The following KATNIP variants were observed in gnomAD, a reference collection of about 807,000 sequenced individuals.
KATNIP encodes katanin-interacting protein.
Under a neutral mutation model 174.0 loss-of-function variants are expected in KATNIP, and 126 were observed. The observed-to-expected ratio is 0.72, with a 90% CI of 0.63 to 0.84. The LOEUF is 0.84. Among genes scored for constraint, KATNIP ranks in the 40% least tolerant of loss-of-function variants. KATNIP has a pLI of 0.00. For missense variants in KATNIP, 1,958 were observed against 2,109.7 expected (o/e 0.93, Z 1.41); for synonymous variants, 810 against 835.7 (o/e 0.97, Z 0.53).
At position 27,740,722 on chromosome 16, in the gene KATNIP, C is replaced by G; in HGVS notation, c.2425C>G (p.Arg809Gly). 6.2e-7 allele frequency: 1 copy of G among 1,614,180 alleles called. No individual in the cohort carries two copies. The highest frequency in any genetic ancestry group is 8.5e-7 in the Non-Finnish European group (1 of 1,180,030). The change falls in exon 15 of 28, where the codon CGG becomes GGG. Residue 809 changes from arginine (R) to glycine (G), a missense_variant. Arg to Gly is a moderately radical substitution (Grantham distance 125). Transcript: ENST00000261588. ...GACCGAGGCCAGGGATAAAGGCCTACGGCATGAGCCAGGGTGGGGGACCAG... is the reference window on the plus strand; with the variant it reads ...GACCGAGGCCAGGGATAAAGGCCTAGGGCATGAGCCAGGGTGGGGGACCAG... ...GETEARDKGL[R>G]HEPGWGTSRS...
intron 2 of KATNIP, among the ~76,000 whole-genome samples, chr16:27,581,954 C>T (rs1334054010): frequency 6.6e-6 from 1 of 152,174 alleles, no homozygotes; most frequent in African/African-American, 2.4e-5. Flanking sequence ...AGTATTCCAT[C>T]ATATATACAT....
chr16:27,732,911 CA>C (rs996563183), intron 14 of KATNIP, among the ~76,000 whole-genome samples: 4 of 152,212 alleles, frequency 2.6e-5, no homozygotes, highest in Non-Finnish European at 4.4e-5. Flanking sequence ...GCCAATGACA[CA>C]ACTCCCAGAG....
chr16:27,571,787 A>T (rs1239940721), intron 1 of KATNIP, among the ~76,000 whole-genome samples: 1 of 152,196 alleles, frequency 6.6e-6, no homozygotes, highest in Non-Finnish European at 1.5e-5. Context: ...GCTCTGCATG[A>T]TGAGGCCTGA....
rs1555510773 is a variant in KATNIP, at chr16:27,572,399, A to ACACACACACG, written c.8-1502_8-1501insCACACACACG. 5.0e-4 allele frequency among the ~76,000 whole-genome samples: 75 copies of ACACACACACG among 151,124 alleles called. No homozygotes were observed. In the East Asian group the frequency reaches 0.01, roughly 20 times the overall value. On this transcript the variant is annotated intron_variant, in intron 1 of 27. Coordinates refer to ENST00000261588, the MANE Select transcript of KATNIP (RefSeq NM_015202.5). ...CACACACACACACACACACACACAC[A>ACACACACACG]ATGAAGACAAAGGCAGGCATGTAGC...
intron 9 of KATNIP, 91 bp from the exon 10 acceptor site, chr16:27,699,443 C>A: frequency 1.3e-6 from 2 of 1,561,714 alleles, no homozygotes; most frequent in East Asian, 2.4e-5. Flanking sequence ...TGAGAAGGTC[C>A]CTGCCCTTTT....
chr16:27,561,809 C>T (rs771837435), intron 1 of KATNIP, among the ~76,000 whole-genome samples: 1 of 152,190 alleles, frequency 6.6e-6, no homozygotes, highest in African/African-American at 2.4e-5. Flanking sequence ...TGACAGATGT[C>T]GCCTAGGGTC....
At position 27,761,559 on chromosome 16, in the gene KATNIP, G is replaced by C; in HGVS notation, c.3778G>C (p.Glu1260Gln). 6.2e-7 allele frequency: 1 copy of C among 1,613,970 alleles called. No homozygotes were observed. The highest frequency in any genetic ancestry group is 8.5e-7 in the Non-Finnish European group (1 of 1,179,960). Residue 1260 changes from glutamate (E) to glutamine (Q), a missense_variant, in exon 19 of 28, where the codon GAG becomes CAG. By Grantham distance (29) the Glu-to-Gln change is conservative. Transcript: ENST00000261588. Reference sequence around the variant, plus strand: ...CCCCAGAGACTTAAATGAGCTCCCCGAGTACTCTGACGACTCCCGGGCCCT... The same window carrying C: ...CCCCAGAGACTTAAATGAGCTCCCCCAGTACTCTGACGACTCCCGGGCCCT... The part of the protein sequence containing the change: ...ASPRDLNELP[E>Q]YSDDSRALDK...
intron 12 of KATNIP, among the ~76,000 whole-genome samples, chr16:27,705,901 C>G (rs746043187): frequency 6.6e-6 from 1 of 152,082 alleles, no homozygotes; most frequent in African/African-American, 2.4e-5. Context: ...TGGTCTTGAA[C>G]TTCTGGGCTC....
At position 27,749,975 on chromosome 16, in the gene KATNIP, G is replaced by T; in HGVS notation, c.3015G>T (p.Pro1005=). Residue 1005 remains proline (P), a synonymous_variant, in exon 16 of 28, where the codon CCG becomes CCT. Coordinates refer to ENST00000261588, the MANE Select transcript of KATNIP (RefSeq NM_015202.5). ...GIEIFSSKGE[P]VQISNIKADP... ...AAATATTCAGTTCCAAGGGTGAACC[G>T]GTGCAGATTTCAAACATAAAAGCAG... The T allele has an allele frequency of 6.2e-7, 1 of 1,614,132 alleles. No individual in the cohort carries two copies. The highest frequency in any genetic ancestry group is 8.5e-7 in the Non-Finnish European group (1 of 1,180,018).
chr16:27,568,998 A>G (rs1017612821), intron 1 of KATNIP, among the ~76,000 whole-genome samples: 6 of 152,204 alleles, frequency 3.9e-5, no homozygotes, highest in Non-Finnish European at 5.9e-5. Context: ...AGTGATTACA[A>G]TATGAATAGT....
chr16:27,641,970 T>C (rs1249978462), intron 5 of KATNIP, among the ~76,000 whole-genome samples: 1 of 152,240 alleles, frequency 6.6e-6, no homozygotes, highest in East Asian at 1.9e-4. Context: ...CCCTCCTCCT[T>C]GCCCCTTCTC....
chr16:27,651,485 C>T (rs760911365), intron 6 of KATNIP, among the ~76,000 whole-genome samples: 1 of 151,734 alleles, frequency 6.6e-6, no homozygotes, highest in Admixed American at 6.6e-5. Flanking sequence ...ACACTGTTTG[C>T]AAGCGCAACC....
At chr16:27,564,316 A>G (rs1019549921) in intron 1 of KATNIP, among the ~76,000 whole-genome samples, 1 of 152,150 alleles carries the variant, frequency 6.6e-6, no homozygotes, top group East Asian at 1.9e-4. Context: ...CAGGACTAAT[A>G]GGACTCCCAA....
At chr16:27,588,384 A>G (rs1274647981) in intron 2 of KATNIP, among the ~76,000 whole-genome samples, 1 of 152,150 alleles carries the variant, frequency 6.6e-6, no homozygotes, top group South Asian at 2.1e-4. Context: ...ATTCACATCA[A>G]ATGTAGAATA....
At position 27,550,177 on chromosome 16, in the gene KATNIP, GGTGA is replaced by G; in HGVS notation, c.7+4_7+7del. On this transcript the variant is annotated splice_donor_variant and splice_donor_region_variant and intron_variant, in intron 1 of 27. Transcript: ENST00000261588. LOFTEE classifies it high-confidence loss of function. ...GGAACCGCCGCCTCTAGGGATGGAC[GGTGA>G]GTGTCTGTGGGCCCCTCCGGGAGGT... is the stretch of plus-strand genomic sequence containing the variant. 6.2e-7 allele frequency: 1 copy of G among 1,611,542 alleles called. No homozygotes were observed. Among genetic ancestry groups the G allele is most frequent in the East Asian group, 2.2e-5 (1 of 44,814 alleles).
intron 21 of KATNIP, 93 bp from the exon 22 acceptor site, chr16:27,771,495 A>G: frequency 8.0e-7 from 1 of 1,246,602 alleles, no homozygotes; most frequent in Non-Finnish European, 1.2e-6. Context: ...CTAAACTGCC[A>G]TGTTTCTTCA....
intron 8 of KATNIP, among the ~76,000 whole-genome samples, chr16:27,692,678 A>G (rs2078777880): frequency 6.6e-6 from 1 of 152,194 alleles, no homozygotes. Flanking sequence ...TCCTCTTCCC[A>G]GATGGTACAT....
At chr16:27,597,890 G>A (rs1207361704) in intron 2 of KATNIP, among the ~76,000 whole-genome samples, 1 of 152,154 alleles carries the variant, frequency 6.6e-6, no homozygotes, top group African/African-American at 2.4e-5. Flanking sequence ...GGACCAGGAA[G>A]CCAAGAAATC....
rs55805859 is a variant in KATNIP at position 27,661,911 on chromosome 16, AATATATATATATATATATAT to A, written c.540+13202_540+13221del. ...CAGGCACAAGCCACTGTGCCTGGCT[AATATATATATATATATATAT>A]ATATATATATATATATATATATATA... On this transcript the variant is annotated intron_variant, in intron 6 of 27. Coordinates refer to ENST00000261588, the MANE Select transcript of KATNIP (RefSeq NM_015202.5). Among the ~76,000 whole-genome samples the A allele has an allele frequency of 8.1e-4, 8 of 9,888 alleles. 1 individual carries two copies. Among genetic ancestry groups the A allele is most frequent in the East Asian group, 3.4e-3 (1 of 290 alleles). The allele number at this position is 9,888 out of a possible 152,430, so 6.5% of individuals were successfully genotyped here. A position where few individuals can be genotyped will look rare whatever the true frequency, so the allele number is the denominator to read the frequency against.
Sources: allele counts gnomAD v4.1 joint callset (sites outside exome capture counted in the v4.1 genomes callset), GRCh38; gene constraint gnomAD v4.1.1; transcripts MANE v1.5; gene names NCBI Gene and HGNC (gene_info 2026-07-23, HGNC 2026-07-21).